The following GHRHR variants were observed in gnomAD, a reference collection of about 807,000 sequenced individuals.
The protein encoded by GHRHR is growth hormone-releasing hormone receptor.
In GHRHR, 40 loss-of-function variants were observed where a neutral mutation model predicts 58.3. The ratio of observed to expected loss-of-function variants is 0.69; its 90% confidence interval spans 0.53 to 0.89. The LOEUF (loss-of-function observed/expected upper bound fraction) is 0.89, where lower values mean the gene tolerates loss of function less well. Among genes scored for constraint, GHRHR ranks in the 40% least tolerant of loss-of-function variants. The pLI, the probability that GHRHR is intolerant of heterozygous loss-of-function variation, is 0.00. For synonymous variants in GHRHR, 249 were observed against 216.6 expected (o/e 1.15, Z -1.31); for missense variants, 551 against 541.3 (o/e 1.02, Z -0.18).
At chr7:30,970,955 T>C in intron 4 of GHRHR, 164 bp from the exon 5 acceptor site, 1 of 683,482 alleles carries the variant, frequency 1.5e-6, no homozygotes, top group Admixed American at 2.0e-5. Flanking sequence ...AAACTAAAGC[T>C]CCAGTGCACA....
chr7:30,974,110 C>T lies in GHRHR; in HGVS notation c.723C>T (p.Ala241=), dbSNP rs1207386367. ...CCACCTCCCCCAGCTCAAGGAGAGC[C>T]TTCTGGTGGCTGGTTCTCGCTGGCT... ...LASTSPSSRR[A]FWWLVLAGWG... The change falls in exon 7 of 13, where the codon GCC becomes GCT. Residue 241 remains alanine (A), a synonymous_variant. Coordinates refer to ENST00000326139, the MANE Select transcript of GHRHR (RefSeq NM_000823.4). 6.2e-7 allele frequency: 1 copy of T among 1,614,048 alleles called. No individual in the cohort carries two copies. Among genetic ancestry groups the T allele is most frequent in the Non-Finnish European group, 8.5e-7 (1 of 1,180,034 alleles).
intron 12 of GHRHR, among the ~76,000 whole-genome samples, chr7:30,977,863 T>A (rs953370647): frequency 1.3e-5 from 2 of 151,978 alleles, no homozygotes; most frequent in African/African-American, 4.8e-5. Flanking sequence ...GAGATAGACA[T>A]GAAAAGACAG....
Position 30,974,995 on chromosome 7 carries a change from C to G in GHRHR, c.837C>G (p.Ser279=), listed in dbSNP as rs748290640. ...GGTGCTGGGACCTGGACGACACCTC[C>G]CCCTACTGGTGGATCATCAAAGGGC... ...DIACWDLDDT[S]PYWWIIKGPI... The change falls in exon 9 of 13, where the codon TCC becomes TCG. Residue 279 remains serine (S), a synonymous_variant. Coordinates refer to ENST00000326139, the MANE Select transcript of GHRHR (RefSeq NM_000823.4). 2.5e-6 allele frequency: 4 copies of G among 1,613,134 alleles called. No individual in the cohort carries two copies. The South Asian group carries it at 4.4e-5, about 18-fold the overall frequency.
At chr7:30,966,478 T>C (rs1018004673) in intron 1 of GHRHR, among the ~76,000 whole-genome samples, 1 of 152,054 alleles carries the variant, frequency 6.6e-6, no homozygotes, top group Non-Finnish European at 1.5e-5. Flanking sequence ...CCACTTCCCT[T>C]GTCCTTGCAC....
In GHRHR at chr7:30,979,405, T is replaced by G; in HGVS notation, c.*161T>G. On this transcript the variant is annotated 3_prime_UTR_variant, in exon 13 of 13. Transcript: ENST00000326139. ...CCTGTCTCTGCATCTGACTCTCTTT[T>G]GAGGTCCCTGTATGTCTACCTCTGA... 1 of 687,554 alleles carries G rather than the reference T, an allele frequency of 1.5e-6. No individual in the cohort carries two copies. The highest frequency in any genetic ancestry group is 2.6e-6 in the Non-Finnish European group (1 of 386,752). 42.6% of individuals were successfully genotyped at this position (687,554 alleles called of 1,614,324 possible). A position where few individuals can be genotyped will look rare whatever the true frequency, so the allele number is the denominator to read the frequency against.
chr7:30,963,956 T>A lies in GHRHR; in HGVS notation c.-113T>A. The A allele has an allele frequency of 1.0e-6, 1 of 997,308 alleles. No homozygotes were observed. The allele number at this position is 997,308 out of a possible 1,614,324, so 61.8% of individuals were successfully genotyped here. ...GCTCCTGCCTATGCAAACAGCCACC[T>A]GAGAAGGGGAAGCAGAGGGTGCGGT... On this transcript the variant is annotated 5_prime_UTR_variant, in exon 1 of 13. Transcript: ENST00000326139.
chr7:30,979,009 C>A, intron 12 of GHRHR, 110 bp from the exon 13 acceptor site: 1 of 1,028,222 alleles, frequency 9.7e-7, no homozygotes, highest in South Asian at 1.3e-5. Flanking sequence ...TTTTCCTGCC[C>A]CATGTCTCTG....
At chr7:30,970,883 A>G (rs543131419) in intron 4 of GHRHR, 41 of 584,498 alleles carry the variant, frequency 7.0e-5, no homozygotes, top group Admixed American at 5.7e-4. Flanking sequence ...ATGAATGTTA[A>G]GCATCTCCAC....
intron 5 of GHRHR, among the ~76,000 whole-genome samples, chr7:30,971,712 T>C (rs563639151): frequency 3.9e-4 from 60 of 152,288 alleles, no homozygotes; most frequent in Non-Finnish European, 6.8e-4. Flanking sequence ...CTCTGTTCCC[T>C]GAGACTGTGA....
chr7:30,968,941 G>A lies in GHRHR; in HGVS notation c.160+5G>A, dbSNP rs1792419738. ...AGATGCCCAACACCACCCTGGGTAT[G>A]GGGCCTAGGAGGCAGGTGGTGGCTT... On this transcript the variant is annotated splice_donor_5th_base_variant and intron_variant, in intron 2 of 12. Transcript: ENST00000326139. 6.2e-7 allele frequency: 1 copy of A among 1,600,870 alleles called. No individual in the cohort carries two copies. The highest frequency in any genetic ancestry group is 8.6e-7 in the Non-Finnish European group (1 of 1,168,040).
At chr7:30,971,640 C>T (rs1433824866) in intron 5 of GHRHR, among the ~76,000 whole-genome samples, 1 of 152,080 alleles carries the variant, frequency 6.6e-6, no homozygotes, top group Non-Finnish European at 1.5e-5. Flanking sequence ...TTCTTGGTCT[C>T]ATGGGGATGA....
rs1203316221 is a variant in GHRHR, at chr7:30,969,069, C to G, written c.167C>G (p.Pro56Arg). The change falls in exon 3 of 13, where the codon CCT becomes CGT. Residue 56 changes from proline to arginine, a missense_variant. Physicochemically the swap from Pro to Arg is moderately radical, Grantham distance 103. Transcript: ENST00000326139. Reference sequence around the variant, plus strand: ...CTCCTGGCTCTCTATCCAGGCTGCCCTGCGACCTGGGATGGGCTGCTGTGC... The same window carrying G: ...CTCCTGGCTCTCTATCCAGGCTGCCGTGCGACCTGGGATGGGCTGCTGTGC... ...EEMPNTTLGC[P>R]ATWDGLLCWP... The G allele has an allele frequency of 6.3e-7, 1 of 1,579,278 alleles. No individual in the cohort carries two copies.
rs202243828 is a variant in GHRHR, at chr7:30,964,121, C to T, written c.53C>T (p.Pro18Leu). 324 of 1,548,698 alleles carry T rather than the reference C, an allele frequency of 2.1e-4. No individual in the cohort carries two copies. Among genetic ancestry groups the T allele is most frequent in the Admixed American group, 3.9e-4 (20 of 51,008 alleles). Residue 18 changes from proline to leucine, a missense_variant, in exon 1 of 13, where the codon CCG (proline) becomes CTG (leucine). Physicochemically the swap from Pro to Leu is moderately conservative, Grantham distance 98. Transcript: ENST00000326139. ...AHVFCVLSPL[P>L]TVLGHMHPEC... Reference sequence around the variant, plus strand: ...GTCTTCTGCGTGTTGAGCCCGTTACCGACCGTGAGTAGCCAGCTGAGACCC... The same window carrying T: ...GTCTTCTGCGTGTTGAGCCCGTTACTGACCGTGAGTAGCCAGCTGAGACCC...
chr7:30,966,642 G>GT (rs57882266), intron 1 of GHRHR, among the ~76,000 whole-genome samples: 53,105 of 148,262 alleles, frequency 0.36, 9,730 homozygotes, highest in Middle Eastern at 0.43. Context: ...GCTTCTTTTT[G>GT]TTTTTTTTTT....
At chr7:30,976,093 G>A (rs1792579569) in intron 10 of GHRHR, 3 of 589,386 alleles carry the variant, frequency 5.1e-6, no homozygotes, top group Non-Finnish European at 9.1e-6. Flanking sequence ...GATGAGTGCT[G>A]GGATCAATTT....
In GHRHR at chr7:30,974,994, C is replaced by T. The variant is rs1354873036; in HGVS notation, c.836C>T (p.Ser279Phe). The T allele has an allele frequency of 3.7e-6, 6 of 1,612,852 alleles. No homozygotes were observed. Among genetic ancestry groups the T allele is most frequent in the South Asian group, 1.1e-5 (1 of 91,038 alleles). Residue 279 changes from serine to phenylalanine, a missense_variant, in exon 9 of 13, where the codon TCC becomes TTC. By Grantham distance (155) the Ser-to-Phe change is radical. Transcript: ENST00000326139. ...AGGTGCTGGGACCTGGACGACACCT[C>T]CCCCTACTGGTGGATCATCAAAGGG... ...DIACWDLDDT[S>F]PYWWIIKGPI... is the part of the protein sequence containing the mutation.
intron 1 of GHRHR, among the ~76,000 whole-genome samples, chr7:30,965,185 G>C (rs554035807): frequency 6.6e-6 from 1 of 152,314 alleles, no homozygotes; most frequent in Non-Finnish European, 1.5e-5. Context: ...CTGCCCCCCT[G>C]TCTGCCATCT....
At chr7:30,977,219 G>A (rs1437927582) in intron 11 of GHRHR, 62 bp from the exon 12 acceptor site, 53 of 1,474,788 alleles carry the variant, frequency 3.6e-5, no homozygotes, top group Admixed American at 5.0e-5. Flanking sequence ...GCAGAAAGAC[G>A]GTGGACACCT....
chr7:30,966,018 T>A (rs1424949499), intron 1 of GHRHR, among the ~76,000 whole-genome samples: 1 of 152,200 alleles, frequency 6.6e-6, no homozygotes, highest in Non-Finnish European at 1.5e-5. Flanking sequence ...GGGTGACATC[T>A]GCACCCTGGG....
Sources: gnomAD v4.1 joint callset for allele counts (sites outside exome capture counted in the v4.1 genomes callset) on GRCh38, gnomAD v4.1.1 for gene constraint, MANE v1.5 for transcripts, NCBI Gene and HGNC (gene_info 2026-07-23, HGNC 2026-07-21) for gene names.